Variants in JPH3 observed in about 807,000 individuals in gnomAD.
JPH3 encodes the protein junctophilin-3.
A neutral mutation model predicts 59.6 loss-of-function variants in JPH3; 11 were observed. That is an observed-to-expected ratio of 0.18 (90% CI 0.12 to 0.31). The LOEUF (loss-of-function observed/expected upper bound fraction) is 0.31, where lower values mean the gene tolerates loss of function less well. Among genes scored for constraint, JPH3 ranks in the 10% least tolerant of loss-of-function variants. The probability of loss-of-function intolerance (pLI) is 1.00; values close to 1 mark genes in which losing one functional copy is unlikely to be tolerated. For missense variants in JPH3, 1,202 were observed against 1,105.7 expected, an observed-to-expected ratio of 1.09 and a Z score of -1.24; for synonymous variants, 673 against 483.6, an observed-to-expected ratio of 1.39 and a Z score of -5.14.
chr16:87,678,712 G>A (rs1441021073), intron 2 of JPH3, among the ~76,000 whole-genome samples: 1 of 152,346 alleles, frequency 6.6e-6, no homozygotes, highest in Non-Finnish European at 1.5e-5. Context: ...ATCTGCAGAT[G>A]AGATTCTCCT....
intron 2 of JPH3, among the ~76,000 whole-genome samples, chr16:87,647,956 C>T (rs560860688): frequency 6.6e-5 from 10 of 152,332 alleles, no homozygotes; most frequent in Middle Eastern, 3.4e-3. Flanking sequence ...GGTCGCCTCC[C>T]CTCTCTGGGC....
chr16:87,660,396 G>T (rs191542665), intron 2 of JPH3, among the ~76,000 whole-genome samples: 1 of 152,162 alleles, frequency 6.6e-6, no homozygotes, highest in Non-Finnish European at 1.5e-5. Context: ...TGTAGGGCTG[G>T]AGTGAAAGGG....
intron 1 of JPH3, among the ~76,000 whole-genome samples, chr16:87,621,889 C>T (rs139902774): frequency 6.6e-6 from 1 of 152,156 alleles, no homozygotes; most frequent in African/African-American, 2.4e-5. Context: ...GAGACCTGCA[C>T]CAAAATAATG....
Position 87,603,434 on chromosome 16 carries a change from G to C in JPH3, c.288G>C (p.Gly96=), listed in dbSNP as rs775189194. Residue 96 remains glycine, a synonymous_variant, in exon 1 of 5, where the codon GGG becomes GGC. Coordinates refer to ENST00000284262, the MANE Select transcript of JPH3 (RefSeq NM_020655.4). ...CGCACGGATTCAAGGGGCGCTACGGGGTGCGGGAGTGCGCGGGCAACGGGG... is the reference window on the plus strand; with the variant it reads ...CGCACGGATTCAAGGGGCGCTACGGCGTGCGGGAGTGCGCGGGCAACGGGG... The part of the protein sequence containing the change: ...EWTHGFKGRY[G]VRECAGNGAK... 1 of 1,575,634 alleles carries C rather than the reference G, an allele frequency of 6.3e-7. No individual in the cohort carries two copies. Among genetic ancestry groups the C allele is most frequent in the Non-Finnish European group, 8.6e-7 (1 of 1,161,342 alleles).
At chr16:87,672,828 C>A (rs547157942) in intron 2 of JPH3, among the ~76,000 whole-genome samples, 3 of 152,164 alleles carry the variant, frequency 2.0e-5, no homozygotes, top group African/African-American at 7.2e-5. Flanking sequence ...CTACCTCATA[C>A]CAAAATTATT....
intron 1 of JPH3, among the ~76,000 whole-genome samples, chr16:87,623,919 C>T (rs1331055434): frequency 1.3e-5 from 2 of 152,350 alleles, no homozygotes; most frequent in East Asian, 3.9e-4. Context: ...ACCATGGAGC[C>T]CCCATAATGG....
chr16:87,671,955 G>T (rs180821555), intron 2 of JPH3, among the ~76,000 whole-genome samples: 5 of 152,270 alleles, frequency 3.3e-5, no homozygotes, highest in African/African-American at 4.8e-5. Flanking sequence ...CTTCGTCTGT[G>T]GGGGGTGGCC....
chr16:87,686,025 G>A (rs929161340), intron 3 of JPH3, among the ~76,000 whole-genome samples: 2 of 152,208 alleles, frequency 1.3e-5, no homozygotes, highest in Non-Finnish European at 2.9e-5. Flanking sequence ...GGAGACAGGG[G>A]CGGATGGAGT....
chr16:87,609,316 G>C (rs971455079), intron 1 of JPH3, among the ~76,000 whole-genome samples: 7 of 152,142 alleles, frequency 4.6e-5, no homozygotes, highest in Non-Finnish European at 5.9e-5. Flanking sequence ...GCCCAAGGTG[G>C]AGTGCAGTGG....
chr16:87,649,684 G>A (rs2032268061), intron 2 of JPH3, among the ~76,000 whole-genome samples: 1 of 152,214 alleles, frequency 6.6e-6, no homozygotes, highest in Non-Finnish European at 1.5e-5. Flanking sequence ...AGCTCTGGTG[G>A]AAGCCGAGCT....
intron 1 of JPH3, among the ~76,000 whole-genome samples, chr16:87,619,994 A>G (rs375887961): frequency 2.5e-3 from 377 of 152,290 alleles, no homozygotes; most frequent in Non-Finnish European, 4.3e-3. Context: ...CCAGTGCGCA[A>G]GGAGCCCAAG....
upstream of JPH3, among the ~76,000 whole-genome samples, chr16:87,602,438 G>GGGGGCGGGGGGC (rs1443091758): frequency 1.0e-5 from 1 of 97,592 alleles, no homozygotes; most frequent in Non-Finnish European, 2.0e-5. Context: ...GGGCGGGGGC[G>GGGGGCGGGGGGC]GGGGGCGGGG....
chr16:87,696,371 C>T (rs2033854059), intron 4 of JPH3: 3 of 594,582 alleles, frequency 5.0e-6, no homozygotes, highest in Non-Finnish European at 9.0e-6. Context: ...CTCAGACGTA[C>T]AGGCAGCTGG....
At chr16:87,648,791 G>A (rs1225392444) in intron 2 of JPH3, among the ~76,000 whole-genome samples, 2 of 152,176 alleles carry the variant, frequency 1.3e-5, no homozygotes, top group Admixed American at 6.5e-5. Context: ...GAGCCTTCGA[G>A]GCTCTCCAGG....
intron 3 of JPH3, among the ~76,000 whole-genome samples, chr16:87,687,374 C>T (rs544871780): frequency 6.6e-6 from 1 of 152,324 alleles, no homozygotes; most frequent in East Asian, 1.9e-4. Flanking sequence ...GAGAAGCAAA[C>T]CATCCAGCGC....
intron 1 of JPH3, among the ~76,000 whole-genome samples, chr16:87,631,952 T>G (rs1157025505): frequency 6.6e-6 from 1 of 152,230 alleles, no homozygotes; most frequent in Admixed American, 6.5e-5. Flanking sequence ...CCTCGATGTC[T>G]TCTCCCACCT....
intron 2 of JPH3, among the ~76,000 whole-genome samples, chr16:87,648,612 C>G (rs531971721): frequency 1.3e-5 from 2 of 152,098 alleles, no homozygotes; most frequent in East Asian, 3.9e-4. Context: ...AGGTGTGGAG[C>G]TCGGAGAGAC....
At chr16:87,672,111 G>T (rs2033032579) in intron 2 of JPH3, among the ~76,000 whole-genome samples, 2 of 152,228 alleles carry the variant, frequency 1.3e-5, no homozygotes, top group Admixed American at 6.5e-5. Flanking sequence ...GCTATCCCCA[G>T]TGTGTGGGGG....
chr16:87,696,749 A>G lies in JPH3; in HGVS notation c.*89A>G. 1 of 1,062,018 alleles carries G rather than the reference A, an allele frequency of 9.4e-7. No individual in the cohort carries two copies. Among genetic ancestry groups the G allele is most frequent in the Non-Finnish European group, 1.4e-6 (1 of 697,510 alleles). 65.8% of individuals were successfully genotyped at this position (1,062,018 alleles called of 1,614,324 possible). On this transcript the variant is annotated 3_prime_UTR_variant, in exon 5 of 5. Transcript: ENST00000284262. ...AAACCACAAGAAGGGAAAGACCGCAACTCGGACAGCCCAGCGACTTCCAAG... is the reference window on the plus strand; with the variant it reads ...AAACCACAAGAAGGGAAAGACCGCAGCTCGGACAGCCCAGCGACTTCCAAG...
Sources: allele counts gnomAD v4.1 joint callset (sites outside exome capture counted in the v4.1 genomes callset), GRCh38; gene constraint gnomAD v4.1.1; transcripts MANE v1.5; gene names NCBI Gene and HGNC (gene_info 2026-07-23, HGNC 2026-07-21).